SORCS3: variants seen among roughly 807,000 people sequenced by gnomAD.
The protein encoded by SORCS3 is sortilin related VPS10 domain containing receptor 3.
In SORCS3, 57 loss-of-function variants were observed where a neutral mutation model predicts 146.3. The observed-to-expected ratio is 0.39, with a 90% confidence interval of 0.31 to 0.49. SORCS3 has a LOEUF of 0.49. Among genes scored for constraint, SORCS3 ranks in the 20% least tolerant of loss-of-function variants. SORCS3 has a pLI of 0.92. For missense variants in SORCS3, 1,341 were observed against 1,575.5 expected (o/e 0.85, Z 2.52); for synonymous variants, 653 against 618.5 (o/e 1.06, Z -0.83).
chr10:104,656,662 A>T (rs2015634278), intron 1 of SORCS3, among the ~76,000 whole-genome samples: 1 of 151,224 alleles, frequency 6.6e-6, no homozygotes, highest in African/African-American at 2.4e-5. Flanking sequence ...AGACCTTGTT[A>T]AAAAAAAACA....
intron 5 of SORCS3, among the ~76,000 whole-genome samples, chr10:105,059,442 T>TA (rs1223290730): frequency 6.6e-6 from 1 of 152,180 alleles, no homozygotes; most frequent in African/African-American, 2.4e-5. Context: ...TTTATTAACA[T>TA]TATGACATGA....
At chr10:104,707,088 A>G (rs2016345701) in intron 1 of SORCS3, among the ~76,000 whole-genome samples, 2 of 152,182 alleles carry the variant, frequency 1.3e-5, no homozygotes, top group Admixed American at 6.5e-5. Context: ...AGGCTTATCC[A>G]CAAGAAGGAG....
intron 1 of SORCS3, among the ~76,000 whole-genome samples, chr10:104,782,268 C>T (rs1205620336): frequency 6.6e-6 from 1 of 152,264 alleles, no homozygotes. Context: ...ATGTATCTCC[C>T]GGTTGTCTAG....
intron 7 of SORCS3, among the ~76,000 whole-genome samples, chr10:105,126,581 A>G (rs2055975596): frequency 6.6e-6 from 1 of 152,178 alleles, no homozygotes; most frequent in Non-Finnish European, 1.5e-5. Context: ...ATGTGCACAC[A>G]TATGTGCATG....
intron 2 of SORCS3, among the ~76,000 whole-genome samples, chr10:104,850,549 A>C (rs1363643000): frequency 3.3e-5 from 5 of 152,170 alleles, no homozygotes; most frequent in African/African-American, 1.2e-4. Context: ...CAGCTACTGC[A>C]CTCCAACCTG....
At chr10:104,978,504 C>G (rs1323242740) in intron 4 of SORCS3, among the ~76,000 whole-genome samples, 1 of 152,200 alleles carries the variant, frequency 6.6e-6, no homozygotes, top group Non-Finnish European at 1.5e-5. Flanking sequence ...ATAGCTGGCT[C>G]TCTTCCAGTA....
chr10:104,949,145 CAT>C (rs1172951565), intron 3 of SORCS3, among the ~76,000 whole-genome samples: 1 of 152,036 alleles, frequency 6.6e-6, no homozygotes, highest in African/African-American at 2.4e-5. Flanking sequence ...CATCAGCACA[CAT>C]AATCACCACC....
chr10:104,764,953 C>T (rs1443146680), intron 1 of SORCS3, among the ~76,000 whole-genome samples: 2 of 152,114 alleles, frequency 1.3e-5, no homozygotes, highest in Non-Finnish European at 2.9e-5. Context: ...TTATTTGTGC[C>T]TGAAGGCATG....
chr10:105,148,167 G>A (rs1183883986), intron 9 of SORCS3, among the ~76,000 whole-genome samples: 1 of 152,062 alleles, frequency 6.6e-6, no homozygotes, highest in East Asian at 1.9e-4. Flanking sequence ...TGAATGGAGG[G>A]AGTGGTGCTA....
chr10:104,917,659 G>A (rs772445172), intron 3 of SORCS3, among the ~76,000 whole-genome samples: 2 of 151,758 alleles, frequency 1.3e-5, no homozygotes, highest in South Asian at 2.1e-4. Flanking sequence ...TTAACCATTC[G>A]ACCCCTGTTA....
intron 1 of SORCS3, among the ~76,000 whole-genome samples, chr10:104,738,909 C>G (rs1323844459): frequency 2.0e-5 from 3 of 152,162 alleles, no homozygotes; most frequent in Admixed American, 2.0e-4. Context: ...TTAATCCTAC[C>G]TCCTCCCAAC....
At chr10:104,990,614 G>C (rs2054987875) in intron 4 of SORCS3, among the ~76,000 whole-genome samples, 1 of 152,072 alleles carries the variant, frequency 6.6e-6, no homozygotes, top group Non-Finnish European at 1.5e-5. Context: ...TGGGACACCT[G>C]TGAATATGTT....
At chr10:104,802,730 G>C (rs2017637685) in intron 1 of SORCS3, among the ~76,000 whole-genome samples, 1 of 152,200 alleles carries the variant, frequency 6.6e-6, no homozygotes, top group South Asian at 2.1e-4. Flanking sequence ...ACATCAAAGA[G>C]GTCACCATTC....
At chr10:105,245,168 T>C (rs1433305075) in intron 20 of SORCS3, among the ~76,000 whole-genome samples, 2 of 150,756 alleles carry the variant, frequency 1.3e-5, no homozygotes, top group Non-Finnish European at 2.9e-5. Flanking sequence ...CAGTGAAATA[T>C]AGGATGAAAA....
At chr10:104,896,580 G>C (rs973021315) in intron 2 of SORCS3, among the ~76,000 whole-genome samples, 4 of 152,270 alleles carry the variant, frequency 2.6e-5, no homozygotes, top group African/African-American at 9.6e-5. Context: ...AGAGACCACA[G>C]TAGGGATGGG....
chr10:105,252,114 A>G (rs934213151), intron 22 of SORCS3, among the ~76,000 whole-genome samples: 2 of 152,156 alleles, frequency 1.3e-5, no homozygotes, highest in Admixed American at 1.3e-4. Context: ...TTTTTCCTGC[A>G]TATGGCTTTT....
chr10:104,881,702 C>A (rs2018631703), intron 2 of SORCS3, among the ~76,000 whole-genome samples: 1 of 152,110 alleles, frequency 6.6e-6, no homozygotes, highest in African/African-American at 2.4e-5. Context: ...AGACTTTGAT[C>A]TACGGATGAT....
intron 1 of SORCS3, among the ~76,000 whole-genome samples, chr10:104,760,995 T>C (rs2017115382): frequency 6.6e-6 from 1 of 151,952 alleles, no homozygotes; most frequent in African/African-American, 2.4e-5. Flanking sequence ...ATGGTTAAAA[T>C]TCAAAAACAG....
intron 1 of SORCS3, among the ~76,000 whole-genome samples, chr10:104,687,658 C>T (rs1032230680): frequency 6.6e-6 from 1 of 151,998 alleles, no homozygotes; most frequent in Non-Finnish European, 1.5e-5. Flanking sequence ...AGCTGAAGGG[C>T]AATAATTTGA....
Sources: gnomAD v4.1 joint callset for allele counts (sites outside exome capture counted in the v4.1 genomes callset) on GRCh38, gnomAD v4.1.1 for gene constraint, MANE v1.5 for transcripts, NCBI Gene and HGNC (gene_info 2026-07-23, HGNC 2026-07-21) for gene names.